The following RGS6 variants were observed in gnomAD, a reference collection of about 807,000 sequenced individuals.
RGS6 encodes regulator of G-protein signaling 6.
RGS6 carries 30 observed loss-of-function variants against 78.5 expected under a neutral mutation model. The observed-to-expected ratio is 0.38, with a 90% confidence interval of 0.29 to 0.52. The LOEUF is 0.52. Among genes scored for constraint, RGS6 ranks in the 20% least tolerant of loss-of-function variants. The probability of loss-of-function intolerance (pLI) is 0.85; values close to 1 mark genes in which losing one functional copy is unlikely to be tolerated. For missense variants in RGS6, 495 were observed against 609.7 expected, an observed-to-expected ratio of 0.81 and a Z score of 1.98; for synonymous variants, 206 against 206.0, an observed-to-expected ratio of 1.00 and a Z score of 0.00.
rs185640938 is a variant in RGS6, at chr14:72,061,389, T to C, written c.84+96514T>C. Among the ~76,000 whole-genome samples, 10 of 152,302 alleles carry C rather than the reference T, an allele frequency of 6.6e-5. No homozygotes were observed. In the East Asian group the frequency reaches 1.5e-3, roughly 23 times the overall value. On this transcript the variant is annotated intron_variant, in intron 2 of 17. Coordinates refer to ENST00000553525, the MANE Select transcript of RGS6 (RefSeq NM_001204424.2). ...TTATAGGGAATCAGAGAAGTGTCCT[T>C]ACACTCAGGGAGCTTGTGATTTAAT...
At chr14:71,977,999 C>G (rs957604123) in intron 2 of RGS6, among the ~76,000 whole-genome samples, 21 of 151,316 alleles carry the variant, frequency 1.4e-4, no homozygotes, top group African/African-American at 5.1e-4. Flanking sequence ...AGTTGGATTC[C>G]TAGGTATTTT....
chr14:72,032,358 G>C (rs1335580132), intron 2 of RGS6, among the ~76,000 whole-genome samples: 2 of 152,102 alleles, frequency 1.3e-5, no homozygotes, highest in Non-Finnish European at 2.9e-5. Flanking sequence ...TTGCTAAATG[G>C]AAAGTCAAAA....
intron 2 of RGS6, among the ~76,000 whole-genome samples, chr14:72,165,110 C>A (rs1443520517): frequency 1.3e-5 from 2 of 152,144 alleles, no homozygotes; most frequent in African/African-American, 4.8e-5. Flanking sequence ...AGCCAGGAAC[C>A]CTGCTAGGAA....
chr14:72,213,688 C>A (rs1351284078), intron 2 of RGS6, among the ~76,000 whole-genome samples: 3 of 152,160 alleles, frequency 2.0e-5, no homozygotes, highest in Non-Finnish European at 4.4e-5. Flanking sequence ...GTGCATCCCC[C>A]ATGCCTAGCT....
intron 2 of RGS6, among the ~76,000 whole-genome samples, chr14:72,127,176 T>C (rs1291203825): frequency 6.6e-6 from 1 of 152,130 alleles, no homozygotes. Flanking sequence ...TGATTAACAA[T>C]CAAAGTGATG....
chr14:72,397,160 C>T (rs535016106), intron 3 of RGS6, among the ~76,000 whole-genome samples: 14 of 152,298 alleles, frequency 9.2e-5, no homozygotes, highest in East Asian at 7.7e-4. Context: ...GCCATTTTCA[C>T]GATATCGATT....
At chr14:72,308,323 T>C (rs1309027386) in intron 2 of RGS6, among the ~76,000 whole-genome samples, 1 of 152,184 alleles carries the variant, frequency 6.6e-6, no homozygotes, top group Admixed American at 6.5e-5. Context: ...AATACAACTG[T>C]CCTTCAGGAC....
At chr14:72,282,038 C>T (rs955354322) in intron 2 of RGS6, among the ~76,000 whole-genome samples, 1 of 152,118 alleles carries the variant, frequency 6.6e-6, no homozygotes, top group Non-Finnish European at 1.5e-5. Context: ...AGGCTTTTTG[C>T]TCTTTTTAAA....
At position 72,174,140 on chromosome 14, in the gene RGS6, C is replaced by G. The variant is rs114397331; in HGVS notation, c.85-177955C>G. Among the ~76,000 whole-genome samples, 1,380 of 152,232 alleles carry G rather than the reference C, an allele frequency of 9.1e-3. 14 individuals carry two copies. The highest frequency in any genetic ancestry group is 0.034 in the Middle Eastern group (10 of 294). On this transcript the variant is annotated intron_variant, in intron 2 of 17. Coordinates refer to ENST00000553525, the MANE Select transcript of RGS6 (RefSeq NM_001204424.2). ...TCTTTTTTTTTGAGGTGGGGTTTCA[C>G]TCTTGTTGCCCAGGCTCAAGTGCAA...
intron 6 of RGS6, among the ~76,000 whole-genome samples, chr14:72,461,298 A>T (rs1490648800): frequency 6.6e-6 from 1 of 152,200 alleles, no homozygotes; most frequent in African/African-American, 2.4e-5. Context: ...ACCTGGGCCC[A>T]AGTAAGATTA....
chr14:72,252,459 C>G (rs2056048815), intron 2 of RGS6, among the ~76,000 whole-genome samples: 1 of 152,190 alleles, frequency 6.6e-6, no homozygotes, highest in African/African-American at 2.4e-5. Flanking sequence ...CCCATTATAT[C>G]TATCTGCAGT....
At chr14:72,023,066 CA>C (rs1205886432) in intron 2 of RGS6, among the ~76,000 whole-genome samples, 3 of 152,230 alleles carry the variant, frequency 2.0e-5, no homozygotes, top group African/African-American at 7.2e-5. Context: ...TGTTTCATGT[CA>C]TTCCTAACAT....
chr14:72,540,553 G>A lies in RGS6; in HGVS notation c.1422+459G>A, dbSNP rs377675206. 519 of 1,561,586 alleles carry A rather than the reference G, an allele frequency of 3.3e-4. 2 individuals are homozygous for A. The Middle Eastern group carries it at 8.7e-3, about 26-fold the overall frequency. On this transcript the variant is annotated intron_variant, in intron 17 of 17. Transcript: ENST00000553525. ...CCTGGCAGTCACGCCGGTGTGGGTC[G>A]CGAGCTAATGTTGCTGTGTAGGCGG...
intron 2 of RGS6, among the ~76,000 whole-genome samples, chr14:72,050,849 T>G (rs2093188399): frequency 6.6e-6 from 1 of 152,202 alleles, no homozygotes; most frequent in Admixed American, 6.5e-5. Context: ...ACTGCAGGAC[T>G]TGAGTATGCC....
At chr14:72,377,378 G>A (rs910243509) in intron 3 of RGS6, among the ~76,000 whole-genome samples, 1 of 151,948 alleles carries the variant, frequency 6.6e-6, no homozygotes, top group African/African-American at 2.4e-5. Context: ...CTTAACACTA[G>A]GGCACCTAGA....
At chr14:72,443,922 A>G (rs2239211) in intron 3 of RGS6, among the ~76,000 whole-genome samples, 14,180 of 152,204 alleles carry the variant, frequency 0.093, 1,217 homozygotes, top group African/African-American at 0.21. Context: ...CACAGTGGCA[A>G]CGATCCTCCA....
intron 1 of RGS6, among the ~76,000 whole-genome samples, chr14:71,950,715 G>A (rs1351237960): frequency 1.3e-5 from 2 of 151,752 alleles, no homozygotes; most frequent in Non-Finnish European, 2.9e-5. Context: ...TTAAATTTAT[G>A]AGCAAAAAAC....
At chr14:71,894,832 A>ATT in the RGS6 span, among the ~76,000 whole-genome samples, 29 of 151,090 alleles carry the variant, frequency 1.9e-4, no homozygotes, top group African/African-American at 4.9e-4. Flanking sequence ...TCCTTTTTTT[A>ATT]TTTTTTTTTG....
chr14:72,294,000 G>A (rs1002105), intron 2 of RGS6, among the ~76,000 whole-genome samples: 20,875 of 152,154 alleles, frequency 0.14, 2,128 homozygotes, highest in East Asian at 0.31. Flanking sequence ...ATGGATATGC[G>A]GGCTGTGTCC....
Sources: gnomAD v4.1 joint callset for allele counts (sites outside exome capture counted in the v4.1 genomes callset) on GRCh38, gnomAD v4.1.1 for gene constraint, MANE v1.5 for transcripts, NCBI Gene and HGNC (gene_info 2026-07-23, HGNC 2026-07-21) for gene names.